Variants in SSBP2 observed in about 807,000 individuals in gnomAD.
SSBP2 encodes the protein single-stranded DNA-binding protein 2.
A neutral mutation model predicts 61.8 loss-of-function variants in SSBP2; 17 were observed. That is an observed-to-expected ratio of 0.28 (90% confidence interval 0.19 to 0.41). The LOEUF (loss-of-function observed/expected upper bound fraction) is 0.41, where lower values mean the gene tolerates loss of function less well. SSBP2 is among the 10% of genes least tolerant of loss of function. The probability of loss-of-function intolerance (pLI) is 1.00; values close to 1 mark genes in which losing one functional copy is unlikely to be tolerated. For missense variants in SSBP2, 310 were observed against 458.7 expected, an observed-to-expected ratio of 0.68 and a Z score of 2.96; for synonymous variants, 139 against 141.3, an observed-to-expected ratio of 0.98 and a Z score of 0.12.
intron 14 of SSBP2, 142 bp from the exon 15 acceptor site, chr5:81,437,600 C>T: frequency 1.5e-6 from 1 of 683,988 alleles, no homozygotes; most frequent in Non-Finnish European, 2.4e-6. Context: ...GAAAAAATTC[C>T]TCTTCTTTTA....
At chr5:81,540,490 C>G (rs1464186306) in intron 4 of SSBP2, among the ~76,000 whole-genome samples, 4 of 152,140 alleles carry the variant, frequency 2.6e-5, no homozygotes, top group Non-Finnish European at 4.4e-5. Flanking sequence ...TCTCTGATGG[C>G]CAGTGATGAT....
intron 1 of SSBP2, among the ~76,000 whole-genome samples, chr5:81,663,346 C>T (rs111854551): frequency 1.1e-3 from 163 of 152,164 alleles, no homozygotes; most frequent in African/African-American, 3.6e-3. Context: ...CATTATTTAA[C>T]AGAAGTCAGC....
intron 15 of SSBP2, among the ~76,000 whole-genome samples, chr5:81,435,734 G>A (rs1762633966): frequency 6.6e-6 from 1 of 152,168 alleles, no homozygotes; most frequent in Non-Finnish European, 1.5e-5. Flanking sequence ...GTTTTAGGTA[G>A]TTAGTAAAAA....
At chr5:81,592,560 C>A (rs200083876) in intron 4 of SSBP2, among the ~76,000 whole-genome samples, 2 of 152,220 alleles carry the variant, frequency 1.3e-5, no homozygotes, top group South Asian at 2.1e-4. Flanking sequence ...GGGTCCCTGA[C>A]CCCTGAGTAG....
intron 4 of SSBP2, among the ~76,000 whole-genome samples, chr5:81,521,447 G>C (rs139023559): frequency 2.1e-3 from 319 of 151,912 alleles, no homozygotes; most frequent in African/African-American, 7.4e-3. Context: ...ACATTTCTTA[G>C]TTTAACAGAG....
chr5:81,583,435 C>G (rs1421210153), intron 4 of SSBP2, among the ~76,000 whole-genome samples: 1 of 151,898 alleles, frequency 6.6e-6, no homozygotes, highest in Admixed American at 6.6e-5. Context: ...TGAGACCATC[C>G]TGGCTAACAC....
intron 8 of SSBP2, among the ~76,000 whole-genome samples, chr5:81,467,588 T>C (rs768555628): frequency 2.6e-5 from 4 of 152,058 alleles, no homozygotes; most frequent in Non-Finnish European, 5.9e-5. Context: ...AAAATACGTA[T>C]GCATGAATTA....
At chr5:81,460,994 G>A in intron 10 of SSBP2, 61 bp downstream of exon 10, 1 of 1,056,430 alleles carries the variant, frequency 9.5e-7, no homozygotes, top group South Asian at 3.1e-5. Flanking sequence ...AAATGTTTTT[G>A]TGATTTTTGT....
At chr5:81,663,087 T>G (rs1401090515) in intron 1 of SSBP2, among the ~76,000 whole-genome samples, 2 of 152,184 alleles carry the variant, frequency 1.3e-5, no homozygotes, top group Non-Finnish European at 2.9e-5. Flanking sequence ...AGTTATCTAA[T>G]TTGAGGTTAA....
intron 4 of SSBP2, among the ~76,000 whole-genome samples, chr5:81,547,828 T>C (rs1771854893): frequency 6.6e-6 from 1 of 152,100 alleles, no homozygotes; most frequent in Non-Finnish European, 1.5e-5. Flanking sequence ...AAAGGCTACA[T>C]ACTGTATGAT....
Position 81,573,706 on chromosome 5 carries a change from A to G in SSBP2, c.282+41767T>C, listed in dbSNP as rs920716985. Among the ~76,000 whole-genome samples the G allele has an allele frequency of 1.4e-4, 21 of 152,224 alleles. 1 individual carries two copies. The highest frequency in any genetic ancestry group is 2.6e-4 in the Admixed American group (4 of 15,278). ...ATTATCTCTATTATCATGCATATAC[A>G]GCATTTGGGACACAATAAAAAAATC... On this transcript the variant is annotated intron_variant, in intron 4 of 16. Coordinates refer to ENST00000320672, the MANE Select transcript of SSBP2 (RefSeq NM_012446.5).
intron 1 of SSBP2, among the ~76,000 whole-genome samples, chr5:81,726,111 T>A (rs970926679): frequency 6.6e-6 from 1 of 152,150 alleles, no homozygotes; most frequent in Non-Finnish European, 1.5e-5. Flanking sequence ...AGAATTAGAA[T>A]GAATACTGGG....
chr5:81,493,669 T>C (rs543777122), intron 5 of SSBP2, among the ~76,000 whole-genome samples: 1 of 152,134 alleles, frequency 6.6e-6, no homozygotes, highest in East Asian at 1.9e-4. Context: ...GGCAGGAGAA[T>C]TGCTTGAACC....
chr5:81,563,667 CTT>C (rs1773215141), intron 4 of SSBP2, among the ~76,000 whole-genome samples: 1 of 152,072 alleles, frequency 6.6e-6, no homozygotes, highest in Admixed American at 6.5e-5. Context: ...AAAGAAGAGT[CTT>C]CTATAAATAG....
chr5:81,729,534 A>G (rs1490046269), intron 1 of SSBP2, among the ~76,000 whole-genome samples: 1 of 152,200 alleles, frequency 6.6e-6, no homozygotes, highest in African/African-American at 2.4e-5. Flanking sequence ...TAAACAGCAG[A>G]AAGGCCTGAC....
chr5:81,707,426 A>T (rs888547397), intron 1 of SSBP2, among the ~76,000 whole-genome samples: 1 of 152,156 alleles, frequency 6.6e-6, no homozygotes, highest in South Asian at 2.1e-4. Context: ...TTGGACACAG[A>T]GATACTTACA....
chr5:81,684,728 T>G (rs765538503), intron 1 of SSBP2, among the ~76,000 whole-genome samples: 18 of 152,168 alleles, frequency 1.2e-4, no homozygotes, highest in Non-Finnish European at 1.5e-5. Flanking sequence ...ACTAACTTGT[T>G]TTTTATTTCA....
intron 2 of SSBP2, among the ~76,000 whole-genome samples, chr5:81,638,552 C>A (rs972548276): frequency 1.3e-5 from 2 of 150,444 alleles, no homozygotes; most frequent in African/African-American, 4.9e-5. Context: ...AACTGACATG[C>A]AGTAAGTGCC....
chr5:81,438,315 C>A (rs1762799516), intron 14 of SSBP2, among the ~76,000 whole-genome samples: 1 of 147,882 alleles, frequency 6.8e-6, no homozygotes, highest in Non-Finnish European at 1.5e-5. Context: ...CACATCACTG[C>A]ACTCCAGTGT....
Sources: gnomAD v4.1 joint callset for allele counts (sites outside exome capture counted in the v4.1 genomes callset) on GRCh38, gnomAD v4.1.1 for gene constraint, MANE v1.5 for transcripts, NCBI Gene and HGNC (gene_info 2026-07-23, HGNC 2026-07-21) for gene names.